The following CPQ variants were observed in gnomAD, a reference collection of about 807,000 sequenced individuals.
The protein encoded by CPQ is Ser-Met dipeptidase.
In CPQ, 37 loss-of-function variants were observed where a neutral mutation model predicts 45.7. The observed-to-expected ratio is 0.81, with a 90% CI of 0.62 to 1.07. The LOEUF is 1.07. Among genes scored for constraint, CPQ ranks in the 50% least tolerant of loss-of-function variants. The probability of loss-of-function intolerance (pLI) is 0.00; values close to 1 mark genes in which losing one functional copy is unlikely to be tolerated. For missense variants in CPQ, 537 were observed against 572.9 expected (o/e 0.94, Z 0.64); for synonymous variants, 186 against 205.8 (o/e 0.90, Z 0.82).
chr8:96,888,217 G>A (rs1812328465), intron 4 of CPQ, among the ~76,000 whole-genome samples: 2 of 152,288 alleles, frequency 1.3e-5, no homozygotes, highest in Middle Eastern at 3.4e-3. Flanking sequence ...TCCCTTGGGG[G>A]ACAAAAGCCA....
At chr8:97,021,662 A>T (rs1809687234) in intron 5 of CPQ, among the ~76,000 whole-genome samples, 1 of 152,338 alleles carries the variant, frequency 6.6e-6, no homozygotes. Context: ...CTAACCAAGG[A>T]TGTGAAAGAC....
intron 4 of CPQ, among the ~76,000 whole-genome samples, chr8:96,963,954 T>G (rs1004399191): frequency 3.3e-5 from 5 of 152,196 alleles, no homozygotes; most frequent in Admixed American, 2.6e-4. Context: ...TCATTATGTT[T>G]ATGAGACTCA....
At chr8:96,861,898 G>A (rs989587847) in intron 3 of CPQ, among the ~76,000 whole-genome samples, 10 of 152,116 alleles carry the variant, frequency 6.6e-5, no homozygotes, top group African/African-American at 1.2e-4. Flanking sequence ...ACTTTTGGTG[G>A]TTGTGGATAC....
chr8:97,040,660 A>G (rs1810103363), intron 6 of CPQ, among the ~76,000 whole-genome samples: 1 of 152,164 alleles, frequency 6.6e-6, no homozygotes, highest in African/African-American at 2.4e-5. Context: ...TAATTTTTGT[A>G]TAAGGTGTAA....
At chr8:96,757,533 T>G (rs1484529540) in intron 1 of CPQ, among the ~76,000 whole-genome samples, 1 of 151,808 alleles carries the variant, frequency 6.6e-6, no homozygotes, top group East Asian at 1.9e-4. Context: ...AATTATATTT[T>G]CTTCAGTTTC....
chr8:96,823,116 C>A (rs1260049595), intron 2 of CPQ, among the ~76,000 whole-genome samples: 1 of 151,888 alleles, frequency 6.6e-6, no homozygotes, highest in Non-Finnish European at 1.5e-5. Context: ...GACATGCCAC[C>A]CCCTTTAAGT....
intron 4 of CPQ, among the ~76,000 whole-genome samples, chr8:96,923,989 A>G (rs1269967883): frequency 2.0e-4 from 31 of 152,156 alleles, no homozygotes; most frequent in Non-Finnish European, 7.4e-5. Flanking sequence ...ACTGGCTAAG[A>G]GTTATCTTGG....
intron 2 of CPQ, among the ~76,000 whole-genome samples, chr8:96,813,192 C>A (rs1248761466): frequency 2.0e-5 from 3 of 152,106 alleles, no homozygotes; most frequent in Admixed American, 6.6e-5. Context: ...ACTCAAGCCT[C>A]AACTCTAGCT....
intron 4 of CPQ, among the ~76,000 whole-genome samples, chr8:96,915,297 T>C (rs1008192215): frequency 6.6e-6 from 1 of 152,052 alleles, no homozygotes; most frequent in Non-Finnish European, 1.5e-5. Context: ...ATTCCAGGAG[T>C]GTACACATTC....
At chr8:97,065,529 C>T (rs539898954) in intron 6 of CPQ, among the ~76,000 whole-genome samples, 52 of 152,176 alleles carry the variant, frequency 3.4e-4, no homozygotes, top group Admixed American at 2.4e-3. Context: ...CTTTAAGCTT[C>T]GGCAGAACTC....
chr8:96,780,963 T>C (rs1387806787), intron 1 of CPQ, among the ~76,000 whole-genome samples: 1 of 152,142 alleles, frequency 6.6e-6, no homozygotes, highest in African/African-American at 2.4e-5. Flanking sequence ...GGAGGTTAGA[T>C]AAGGTTGAAG....
intron 3 of CPQ, among the ~76,000 whole-genome samples, chr8:96,838,555 A>G (rs947287959): frequency 7.9e-5 from 12 of 152,124 alleles, no homozygotes; most frequent in African/African-American, 2.7e-4. Flanking sequence ...GCCTATCTTT[A>G]TGTCCAGGGT....
Position 96,873,690 on chromosome 8 carries a change from C to A in CPQ, c.642-6108C>A, listed in dbSNP as rs58633189. Among the ~76,000 whole-genome samples, 17 of 151,824 alleles carry A rather than the reference C, an allele frequency of 1.1e-4. No homozygotes were observed. The East Asian group carries it at 3.3e-3, about 29-fold the overall frequency. On this transcript the variant is annotated intron_variant, in intron 3 of 7. Coordinates refer to ENST00000220763, the MANE Select transcript of CPQ (RefSeq NM_016134.4). ...AATCTTTACAATTCCCACTTCCAGA[C>A]CTTTTTTTAGGAAACATTCCAAGGC... is the stretch of plus-strand genomic sequence containing the variant.
At chr8:96,920,625 A>G (rs1812793732) in intron 4 of CPQ, among the ~76,000 whole-genome samples, 1 of 152,204 alleles carries the variant, frequency 6.6e-6, no homozygotes, top group African/African-American at 2.4e-5. Context: ...GTACCTCAGA[A>G]GGTGATCGTA....
At chr8:97,130,631 T>C (rs957867902) in intron 7 of CPQ, among the ~76,000 whole-genome samples, 2 of 152,174 alleles carry the variant, frequency 1.3e-5, no homozygotes, top group African/African-American at 4.8e-5. Flanking sequence ...AAATGCTAAA[T>C]TTACCTCTCA....
chr8:96,680,516 A>G (rs953890776), intron 1 of CPQ: 1 of 152,192 alleles, frequency 6.6e-6, no homozygotes, highest in Non-Finnish European at 1.5e-5. Flanking sequence ...CCTTTCCACC[A>G]TTATTATGAG....
intron 5 of CPQ, among the ~76,000 whole-genome samples, chr8:96,982,706 C>T (rs1255930848): frequency 6.6e-6 from 1 of 152,124 alleles, no homozygotes; most frequent in Non-Finnish European, 1.5e-5. Flanking sequence ...TTAGGATGAA[C>T]TAATAATAGC....
intron 3 of CPQ, among the ~76,000 whole-genome samples, chr8:96,847,746 T>C (rs539438040): frequency 6.6e-6 from 1 of 151,930 alleles, no homozygotes; most frequent in Non-Finnish European, 1.5e-5. Context: ...CTTCATCCCA[T>C]ACATAATTGC....
chr8:97,022,364 A>G (rs1293024001), intron 5 of CPQ, among the ~76,000 whole-genome samples: 2 of 152,200 alleles, frequency 1.3e-5, no homozygotes, highest in Non-Finnish European at 2.9e-5. Flanking sequence ...TAAATGCAAT[A>G]AAAACAAAGA....
Sources: gnomAD v4.1 joint callset for allele counts (sites outside exome capture counted in the v4.1 genomes callset) on GRCh38, gnomAD v4.1.1 for gene constraint, MANE v1.5 for transcripts, NCBI Gene and HGNC (gene_info 2026-07-23, HGNC 2026-07-21) for gene names.